Variants in ERC2 observed in about 807,000 individuals in gnomAD.
ERC2 encodes ELKS/RAB6-interacting/CAST family member 2.
Under a neutral mutation model 114.8 loss-of-function variants are expected in ERC2, and 42 were observed. The ratio of observed to expected loss-of-function variants is 0.37; its 90% CI spans 0.29 to 0.47. The LOEUF is 0.47. Ranked by LOEUF, ERC2 falls within the 20% of genes least tolerant of loss-of-function variation. ERC2 has a pLI of 0.99. For synonymous variants in ERC2, 454 were observed against 425.5 expected (o/e 1.07, Z -0.82); for missense variants, 939 against 1,150.7 (o/e 0.82, Z 2.66).
intron 15 of ERC2, among the ~76,000 whole-genome samples, chr3:55,702,844 A>G (rs77749869): frequency 6.6e-4 from 100 of 152,308 alleles, no homozygotes; most frequent in Non-Finnish European, 1.3e-3. Flanking sequence ...CTAAACACCC[A>G]GGAAAACTAA....
At chr3:55,610,551 AGT>A (rs1471796805) in intron 17 of ERC2, 2 of 153,114 alleles carry the variant, frequency 1.3e-5, no homozygotes, top group Admixed American at 1.3e-4. Context: ...ACACACACAA[AGT>A]AGCCAGGCAT....
chr3:56,215,325 A>G (rs2049380195), intron 3 of ERC2, among the ~76,000 whole-genome samples: 2 of 152,346 alleles, frequency 1.3e-5, no homozygotes, highest in South Asian at 4.1e-4. Flanking sequence ...AAAGCAAAAA[A>G]AGGCAGATGT....
chr3:55,725,612 A>G (rs531350662), intron 15 of ERC2, among the ~76,000 whole-genome samples: 2 of 152,314 alleles, frequency 1.3e-5, no homozygotes, highest in Admixed American at 1.3e-4. Flanking sequence ...GACAAAATCA[A>G]CACCTCCTAT....
intron 3 of ERC2, among the ~76,000 whole-genome samples, chr3:56,243,810 C>T (rs973582873): frequency 2.6e-5 from 4 of 152,118 alleles, no homozygotes; most frequent in Non-Finnish European, 5.9e-5. Context: ...TTATTGAGTG[C>T]CTATTCTGTG....
chr3:56,063,575 G>C (rs530890300), intron 7 of ERC2, among the ~76,000 whole-genome samples: 1 of 152,160 alleles, frequency 6.6e-6, no homozygotes, highest in Non-Finnish European at 1.5e-5. Flanking sequence ...AGTAAGAGGT[G>C]AGCTTATCCT....
intron 3 of ERC2, among the ~76,000 whole-genome samples, chr3:56,249,855 C>CTTTTTTTT (rs34668162): frequency 2.7e-5 from 3 of 112,804 alleles, no homozygotes; most frequent in Non-Finnish European, 3.3e-5. Context: ...CATCAAATTT[C>CTTTTTTTT]TTTTTTTTTT....
At chr3:55,646,019 AACTCT>A (rs965447830) in intron 17 of ERC2, among the ~76,000 whole-genome samples, 3 of 152,184 alleles carry the variant, frequency 2.0e-5, no homozygotes, top group African/African-American at 4.8e-5. Flanking sequence ...TTAGTCTATG[AACTCT>A]ACTCTAGTGG....
At chr3:55,569,053 G>A (rs1220048262) in intron 17 of ERC2, among the ~76,000 whole-genome samples, 1 of 152,058 alleles carries the variant, frequency 6.6e-6, no homozygotes. Flanking sequence ...ACATTCTCAC[G>A]GAAGCATTCC....
In ERC2 at chr3:55,530,652, T is replaced by C. The variant is rs575673753; in HGVS notation, c.*40-19376A>G. On this transcript the variant is annotated intron_variant, in intron 17 of 17. Transcript: ENST00000288221. ...TCAGGAACAAGTATCTCCAAGATTA[T>C]TGGCATCAAAAGCCATACTTTCTCC... Among the ~76,000 whole-genome samples the C allele has an allele frequency of 1.7e-4, 26 of 152,332 alleles. No individual in the cohort carries two copies. The South Asian group carries it at 3.9e-3, about 23-fold the overall frequency.
intron 2 of ERC2, among the ~76,000 whole-genome samples, chr3:56,310,938 G>T (rs2056501097): frequency 6.6e-6 from 1 of 151,858 alleles, no homozygotes; most frequent in African/African-American, 2.4e-5. Context: ...GTAATGGAAA[G>T]TTAGGGAAGG....
chr3:55,609,912 C>T (rs955031492), intron 17 of ERC2, among the ~76,000 whole-genome samples: 1 of 152,064 alleles, frequency 6.6e-6, no homozygotes, highest in East Asian at 1.9e-4. Flanking sequence ...CTGCACTTTG[C>T]CCTGCTCGCT....
intron 6 of ERC2, among the ~76,000 whole-genome samples, chr3:56,108,533 A>G (rs183222578): frequency 6.6e-6 from 1 of 152,288 alleles, no homozygotes; most frequent in East Asian, 1.9e-4. Flanking sequence ...ATATTTCAAA[A>G]TGACATTACA....
intron 12 of ERC2, among the ~76,000 whole-genome samples, chr3:55,980,775 T>C (rs1486589716): frequency 6.6e-6 from 1 of 152,078 alleles, no homozygotes; most frequent in Non-Finnish European, 1.5e-5. Flanking sequence ...GATGAATGAT[T>C]AACTCTTACC....
At chr3:55,605,575 C>T (rs1575740290) in intron 17 of ERC2, among the ~76,000 whole-genome samples, 1 of 152,236 alleles carries the variant, frequency 6.6e-6, no homozygotes, top group Middle Eastern at 3.4e-3. Context: ...TGTGATTAGG[C>T]AAGATGAGAC....
intron 3 of ERC2, among the ~76,000 whole-genome samples, chr3:56,293,428 A>G (rs915138295): frequency 2.0e-5 from 3 of 152,182 alleles, no homozygotes; most frequent in Non-Finnish European, 2.9e-5. Flanking sequence ...TCCAATTTCC[A>G]TGGTGTAAAT....
chr3:56,423,968 C>T (rs1227094820), intron 2 of ERC2, among the ~76,000 whole-genome samples: 4 of 152,202 alleles, frequency 2.6e-5, no homozygotes, highest in African/African-American at 9.6e-5. Context: ...GAAACAACAA[C>T]ACAAGAGCTC....
chr3:56,240,472 G>A (rs972441721), intron 3 of ERC2, among the ~76,000 whole-genome samples: 1 of 152,146 alleles, frequency 6.6e-6, no homozygotes, highest in African/African-American at 2.4e-5. Flanking sequence ...CTGAGTAAAT[G>A]TAAATGTAAA....
chr3:55,677,472 TGA>T (rs2061865045), intron 17 of ERC2, among the ~76,000 whole-genome samples: 1 of 152,174 alleles, frequency 6.6e-6, no homozygotes, highest in Admixed American at 6.5e-5. Flanking sequence ...TACACTTTCC[TGA>T]GCCCAGAAGT....
chr3:56,329,947 C>G (rs866155380), intron 2 of ERC2, among the ~76,000 whole-genome samples: 2 of 150,702 alleles, frequency 1.3e-5, no homozygotes, highest in Middle Eastern at 3.2e-3. Flanking sequence ...TTCAAATATA[C>G]ATATATATTT....
Sources: gnomAD v4.1 joint callset for allele counts (sites outside exome capture counted in the v4.1 genomes callset) on GRCh38, gnomAD v4.1.1 for gene constraint, MANE v1.5 for transcripts, NCBI Gene and HGNC (gene_info 2026-07-23, HGNC 2026-07-21) for gene names.